Variants in DNAH12 observed in about 807,000 individuals in gnomAD.
DNAH12 encodes the protein dynein axonemal heavy chain 12.
A neutral mutation model predicts 371.5 loss-of-function variants in DNAH12; 285 were observed. The observed-to-expected ratio is 0.77, with a 90% confidence interval of 0.70 to 0.85. The LOEUF (loss-of-function observed/expected upper bound fraction) is 0.85. DNAH12 is among the 40% of genes least tolerant of loss of function. The probability of loss-of-function intolerance (pLI) is 0.00; values close to 1 mark genes in which losing one functional copy is unlikely to be tolerated. For missense variants in DNAH12, 3,611 were observed against 3,689.4 expected (o/e 0.98, Z 0.55); for synonymous variants, 1,200 against 1,213.0 (o/e 0.99, Z 0.22).
chr3:57,357,692 TTGAC>T (rs1359508121), intron 58 of DNAH12, among the ~76,000 whole-genome samples: 3 of 152,194 alleles, frequency 2.0e-5, no homozygotes, highest in African/African-American at 7.2e-5. Flanking sequence ...TGCTTATTCT[TTGAC>T]TGACTGACCT....
In DNAH12 at chr3:57,459,586, C is replaced by A; in HGVS notation, c.2931+6G>T. 1 of 1,457,032 alleles carries A rather than the reference C, an allele frequency of 6.9e-7. No homozygotes were observed. Among genetic ancestry groups the A allele is most frequent in the South Asian group, 1.4e-5 (1 of 69,710 alleles). The allele number at this position is 1,457,032 out of a possible 1,614,324, so 90.3% of individuals were successfully genotyped here. On this transcript the variant is annotated splice_donor_region_variant and intron_variant, in intron 20 of 73. Transcript: ENST00000495027. The stretch of plus-strand genomic sequence containing the variant: ...CCTACTGTGAGAGAGAAAACAAACA[C>A]TTCACCTTTGGATCTTTAGCACAAA...
intron 66 of DNAH12, among the ~76,000 whole-genome samples, chr3:57,312,391 G>T (rs811870): frequency 0.98 from 149,472 of 152,328 alleles, 73,342 homozygotes; most frequent in East Asian, 0.99. Context: ...TCACGAGAAT[G>T]TAATGTTAAA....
chr3:57,421,653 A>G lies in DNAH12; in HGVS notation c.5427T>C (p.Asp1809=), dbSNP rs1256177946. 1 of 1,551,670 alleles carries G rather than the reference A, an allele frequency of 6.4e-7. No individual in the cohort carries two copies. Among genetic ancestry groups the G allele is most frequent in the Non-Finnish European group, 8.7e-7 (1 of 1,146,984 alleles). The change falls in exon 36 of 74, where the codon GAT becomes GAC. Residue 1809 remains aspartate (D), a synonymous_variant. Transcript: ENST00000495027. Reference sequence around the variant, plus strand: ...TGAAAGTATCAAAAACACGACGGCCATCTGTATCACAACTTCCTCCAATCG... The same window carrying G: ...TGAAAGTATCAAAAACACGACGGCCGTCTGTATCACAACTTCCTCCAATCG... ...IWSIGGSCDT[D]GRRVFDTFIR...
At chr3:57,336,688 ATTAATAT>A (rs1326224426) in intron 60 of DNAH12, among the ~76,000 whole-genome samples, 3 of 152,196 alleles carry the variant, frequency 2.0e-5, no homozygotes, top group Non-Finnish European at 2.9e-5. Context: ...TTAAAAAATC[ATTAATAT>A]TTAAGTGTCT....
At chr3:57,521,208 T>A (rs2068427132) in intron 4 of DNAH12, among the ~76,000 whole-genome samples, 4 of 152,104 alleles carry the variant, frequency 2.6e-5, no homozygotes, top group Admixed American at 2.6e-4. Flanking sequence ...TAAATTTTTT[T>A]ATAGTTTTAT....
intron 33 of DNAH12, among the ~76,000 whole-genome samples, chr3:57,429,291 C>T (rs1215913845): frequency 1.3e-5 from 2 of 152,136 alleles, no homozygotes; most frequent in African/African-American, 4.8e-5. Flanking sequence ...ATTCTCCTGC[C>T]TCAGCCTCCC....
At chr3:57,499,673 T>TACATATACAC (rs1553711698) in intron 11 of DNAH12, among the ~76,000 whole-genome samples, 1 of 44,454 alleles carries the variant, frequency 2.2e-5, no homozygotes, top group Non-Finnish European at 4.2e-5. Context: ...TATATATATA[T>TACATATACAC]ATACTTCTTA....
At chr3:57,384,115 A>G (rs1403502703) in intron 49 of DNAH12, among the ~76,000 whole-genome samples, 1 of 152,108 alleles carries the variant, frequency 6.6e-6, no homozygotes, top group Non-Finnish European at 1.5e-5. Flanking sequence ...GGTCTTGCCT[A>G]AAGACCTGTA....
chr3:57,379,795 C>A (rs1193183444), intron 51 of DNAH12, among the ~76,000 whole-genome samples: 9 of 143,936 alleles, frequency 6.3e-5, no homozygotes, highest in South Asian at 4.4e-4. Context: ...GAGCCAAGAT[C>A]CCGCCACTGC....
At chr3:57,373,877 C>G (rs898767627) in intron 55 of DNAH12, among the ~76,000 whole-genome samples, 472 of 152,296 alleles carry the variant, frequency 3.1e-3, no homozygotes, top group Middle Eastern at 0.017. Flanking sequence ...AGTGCAAACT[C>G]AATATGATTA....
intron 62 of DNAH12, among the ~76,000 whole-genome samples, chr3:57,333,727 C>T (rs2062160929): frequency 6.6e-6 from 1 of 152,080 alleles, no homozygotes; most frequent in South Asian, 2.1e-4. Flanking sequence ...GTTTGTTGAC[C>T]CCTGAACTAG....
chr3:57,424,990 T>A (rs1173484429), intron 35 of DNAH12, 32 bp downstream of exon 35: 1 of 685,780 alleles, frequency 1.5e-6, no homozygotes, highest in Non-Finnish European at 2.6e-6. Context: ...AATTTATTTA[T>A]AATTAAAAAC....
chr3:57,318,920 T>C (rs892820676), intron 65 of DNAH12, among the ~76,000 whole-genome samples: 1 of 152,128 alleles, frequency 6.6e-6, no homozygotes, highest in African/African-American at 2.4e-5. Flanking sequence ...ATTGGGATTT[T>C]GATAGGGATT....
chr3:57,415,708 A>G (rs779079407), intron 37 of DNAH12, 144 bp from the exon 38 acceptor site: 40 of 755,644 alleles, frequency 5.3e-5, no homozygotes, highest in Non-Finnish European at 7.5e-5. Context: ...TATTTCATGA[A>G]AGACAGATAA....
intron 45 of DNAH12, among the ~76,000 whole-genome samples, chr3:57,391,019 G>A (rs1300510584): frequency 1.3e-5 from 2 of 152,034 alleles, no homozygotes; most frequent in East Asian, 3.9e-4. Context: ...ATTTTCAGTG[G>A]GGCAGATGAG....
At chr3:57,377,499 T>G (rs1382161123) in intron 52 of DNAH12, among the ~76,000 whole-genome samples, 1 of 152,014 alleles carries the variant, frequency 6.6e-6, no homozygotes, top group Non-Finnish European at 1.5e-5. Flanking sequence ...ACAAGATGTC[T>G]CAAAATAATG....
chr3:57,322,553 G>T, intron 64 of DNAH12, 70 bp from the exon 65 acceptor site: 1 of 1,441,882 alleles, frequency 6.9e-7, no homozygotes, highest in South Asian at 1.5e-5. Flanking sequence ...ATATACACGT[G>T]GATTAAAAAA....
chr3:57,297,648 G>A (rs1219047930), intron 70 of DNAH12, among the ~76,000 whole-genome samples: 3 of 151,962 alleles, frequency 2.0e-5, no homozygotes, highest in African/African-American at 4.8e-5. Context: ...GAGCCACCGC[G>A]CCCGGCCCCC....
At chr3:57,546,633 C>G (rs80022667), upstream of DNAH12, among the ~76,000 whole-genome samples, 564 of 152,270 alleles carry the variant, frequency 3.7e-3, 3 homozygotes, top group South Asian at 7.9e-3. Context: ...CATGAGCCAC[C>G]ATATCTAGCC....
Sources: gnomAD v4.1 joint callset for allele counts (sites outside exome capture counted in the v4.1 genomes callset) on GRCh38, gnomAD v4.1.1 for gene constraint, MANE v1.5 for transcripts, NCBI Gene and HGNC (gene_info 2026-07-23, HGNC 2026-07-21) for gene names.